TENM2: variants seen among roughly 807,000 people sequenced by gnomAD.
The protein encoded by TENM2 is teneurin-2.
In TENM2, 52 loss-of-function variants were observed where a neutral mutation model predicts 245.2. That is an observed-to-expected ratio of 0.21 (90% CI 0.17 to 0.27). TENM2 has a LOEUF of 0.27. Ranked by LOEUF, TENM2 falls within the 10% of genes least tolerant of loss-of-function variation. The pLI is 1.00. For synonymous variants in TENM2, 1,363 were observed against 1,438.9 expected, an observed-to-expected ratio of 0.95 and a Z score of 1.19; for missense variants, 3,046 against 3,666.8, an observed-to-expected ratio of 0.83 and a Z score of 4.37.
intron 2 of TENM2, among the ~76,000 whole-genome samples, chr5:167,856,471 T>G (rs943665479): frequency 4.6e-5 from 7 of 152,246 alleles, no homozygotes; most frequent in African/African-American, 1.7e-4. Context: ...ATAATTAATT[T>G]GAGCTTAAGC....
chr5:168,227,650 A>G (rs1169719640), intron 24 of TENM2, among the ~76,000 whole-genome samples: 1 of 152,094 alleles, frequency 6.6e-6, no homozygotes, highest in Non-Finnish European at 1.5e-5. Context: ...CAGTGAGTAA[A>G]AGAAACATCA....
intron 2 of TENM2, among the ~76,000 whole-genome samples, chr5:167,523,427 C>G (rs977334561): frequency 6.6e-6 from 1 of 152,034 alleles, no homozygotes; most frequent in African/African-American, 2.4e-5. Flanking sequence ...AAAGCAAAAG[C>G]TAGATTCGAT....
intron 1 of TENM2, among the ~76,000 whole-genome samples, chr5:167,340,059 A>G (rs1283701508): frequency 6.6e-6 from 1 of 152,222 alleles, no homozygotes; most frequent in African/African-American, 2.4e-5. Context: ...TTCTCAGCCA[A>G]ATACTCAATT....
intron 2 of TENM2, among the ~76,000 whole-genome samples, chr5:167,702,711 C>T (rs73386410): frequency 0.046 from 7,011 of 151,964 alleles, 547 homozygotes; most frequent in African/African-American, 0.16. Flanking sequence ...GACTCTCAGG[C>T]TGGAGTGCAA....
intron 1 of TENM2, among the ~76,000 whole-genome samples, chr5:167,339,403 T>C (rs1054839639): frequency 1.3e-5 from 2 of 152,168 alleles, no homozygotes; most frequent in African/African-American, 4.8e-5. Context: ...GGTTTCCTGA[T>C]GAGATGGCTG....
At chr5:167,578,798 TTGAC>T (rs1214361922) in intron 2 of TENM2, among the ~76,000 whole-genome samples, 1 of 152,226 alleles carries the variant, frequency 6.6e-6, no homozygotes, top group African/African-American at 2.4e-5. Context: ...TCTAGTGTAT[TTGAC>T]TGACAAGCTC....
chr5:167,107,389 A>G, the TENM2 span, among the ~76,000 whole-genome samples: 31 of 152,336 alleles, frequency 2.0e-4, no homozygotes, highest in African/African-American at 7.2e-4. Flanking sequence ...TTGAATGTAA[A>G]GAATGTGACT....
intron 2 of TENM2, among the ~76,000 whole-genome samples, chr5:167,607,596 G>A (rs1777147120): frequency 6.6e-6 from 1 of 152,102 alleles, no homozygotes; most frequent in African/African-American, 2.4e-5. Flanking sequence ...CACATATATT[G>A]TTTATCCACA....
At chr5:167,839,715 C>T (rs1027677324) in intron 2 of TENM2, among the ~76,000 whole-genome samples, 1 of 152,132 alleles carries the variant, frequency 6.6e-6, no homozygotes, top group Non-Finnish European at 1.5e-5. Context: ...TTTGCAGTTT[C>T]TCTAAGGAAG....
intron 2 of TENM2, among the ~76,000 whole-genome samples, chr5:167,535,688 C>T (rs967576583): frequency 2.0e-5 from 3 of 152,208 alleles, no homozygotes; most frequent in Non-Finnish European, 2.9e-5. Context: ...CTGGAGGATG[C>T]AGCATCAAGA....
At chr5:168,101,133 C>T (rs1367574789) in intron 9 of TENM2, among the ~76,000 whole-genome samples, 1 of 152,072 alleles carries the variant, frequency 6.6e-6, no homozygotes, top group Non-Finnish European at 1.5e-5. Flanking sequence ...GCAAGGAGAA[C>T]AGAGAACAGC....
chr5:167,022,825 A>G, the TENM2 span, among the ~76,000 whole-genome samples: 1 of 152,262 alleles, frequency 6.6e-6, no homozygotes, highest in Non-Finnish European at 1.5e-5. Flanking sequence ...GTCTCCTGGA[A>G]GCCATTGACT....
At chr5:167,758,779 A>C (rs1355640834) in intron 2 of TENM2, among the ~76,000 whole-genome samples, 1 of 152,056 alleles carries the variant, frequency 6.6e-6, no homozygotes, top group Non-Finnish European at 1.5e-5. Context: ...ATTTCCAGAA[A>C]CCTTGACCAC....
At chr5:167,384,632 G>A (rs893658245) in intron 2 of TENM2, among the ~76,000 whole-genome samples, 2 of 152,228 alleles carry the variant, frequency 1.3e-5, no homozygotes, top group African/African-American at 4.8e-5. Context: ...GAAAGTTTAT[G>A]TGAGCAAAGA....
At chr5:167,720,445 T>C (rs1241072375) in intron 2 of TENM2, among the ~76,000 whole-genome samples, 1 of 152,210 alleles carries the variant, frequency 6.6e-6, no homozygotes, top group Non-Finnish European at 1.5e-5. Flanking sequence ...GCACTAAGAA[T>C]GACAAGAGTC....
chr5:167,573,506 C>G (rs925627334), intron 2 of TENM2, among the ~76,000 whole-genome samples: 1 of 115,994 alleles, frequency 8.6e-6, no homozygotes, highest in African/African-American at 3.2e-5. Flanking sequence ...CTCTGTCTCT[C>G]TCTCTCTCTC....
the TENM2 span, among the ~76,000 whole-genome samples, chr5:167,211,809 CTAT>C: frequency 6.6e-6 from 1 of 152,070 alleles, no homozygotes; most frequent in East Asian, 1.9e-4. Flanking sequence ...TGATTATATA[CTAT>C]TATATTATAT....
At chr5:167,708,793 AACTG>A (rs1205094852) in intron 2 of TENM2, among the ~76,000 whole-genome samples, 1 of 152,198 alleles carries the variant, frequency 6.6e-6, no homozygotes, top group Non-Finnish European at 1.5e-5. Context: ...TGTTTGCTCT[AACTG>A]ACTAATACTA....
chr5:167,166,775 A>G, the TENM2 span, among the ~76,000 whole-genome samples: 80 of 152,234 alleles, frequency 5.3e-4, no homozygotes, highest in Middle Eastern at 3.4e-3. Context: ...CAGGTTGCCT[A>G]TTCTCAATAA....
Sources: gnomAD v4.1 joint callset for allele counts (sites outside exome capture counted in the v4.1 genomes callset) on GRCh38, gnomAD v4.1.1 for gene constraint, MANE v1.5 for transcripts, NCBI Gene and HGNC (gene_info 2026-07-23, HGNC 2026-07-21) for gene names.